DPF2: variants seen among roughly 807,000 people sequenced by gnomAD.
The protein encoded by DPF2 is zinc finger protein ubi-d4.
Under a neutral mutation model 59.6 loss-of-function variants are expected in DPF2, and 10 were observed. The ratio of observed to expected loss-of-function variants is 0.17; its 90% confidence interval spans 0.10 to 0.28. The LOEUF is 0.28. DPF2 is among the 10% of genes least tolerant of loss of function. The pLI is 1.00. For synonymous variants in DPF2, 189 were observed against 190.6 expected, an observed-to-expected ratio of 0.99 and a Z score of 0.07; for missense variants, 315 against 509.4, an observed-to-expected ratio of 0.62 and a Z score of 3.67.
At chr11:65,346,632 A>C in intron 9 of DPF2, 1 of 369,078 alleles carries the variant, frequency 2.7e-6, no homozygotes, top group Non-Finnish European at 4.9e-6. Context: ...AGGAACAACA[A>C]TAAGCAAGGA....
Position 65,343,732 on chromosome 11 carries a change from C to T in DPF2, c.466-13C>T. On this transcript the variant is annotated splice_polypyrimidine_tract_variant and intron_variant, in intron 4 of 10. Transcript: ENST00000528416. ...ACATATTTCTACCCATGCTAACCCTCCTGTCCACTCAGCGGATCCTAGAAC... is the reference window on the plus strand; with the variant it reads ...ACATATTTCTACCCATGCTAACCCTTCTGTCCACTCAGCGGATCCTAGAAC... The T allele has an allele frequency of 3.8e-6, 6 of 1,583,788 alleles. No homozygotes were observed. The highest frequency in any genetic ancestry group is 4.3e-6 in the Non-Finnish European group (5 of 1,165,160).
At chr11:65,338,735 CT>C in intron 1 of DPF2, among the ~76,000 whole-genome samples, 1 of 152,074 alleles carries the variant, frequency 6.6e-6, no homozygotes, top group Non-Finnish European at 1.5e-5. Flanking sequence ...TCGTATGTGT[CT>C]TTTTTACTTG....
chr11:65,336,451 C>T (rs150974833), intron 1 of DPF2, among the ~76,000 whole-genome samples: 2 of 152,094 alleles, frequency 1.3e-5, no homozygotes, highest in African/African-American at 4.8e-5. Flanking sequence ...GATATCACAC[C>T]ACTGCCCTCC....
rs945000211 is a variant in DPF2 at position 65,345,737 on chromosome 11, G to C, written c.709G>C (p.Glu237Gln). 2 of 1,614,034 alleles carry C rather than the reference G, an allele frequency of 1.2e-6. No individual in the cohort carries two copies. Among genetic ancestry groups the C allele is most frequent in the Non-Finnish European group, 8.5e-7 (1 of 1,180,028 alleles). ...HYAHSHLAEE[E>Q]GEDKEDSQPP... ...TGCCCACTCCCACTTGGCTGAGGAG[G>C]AGGGCGAGGACAAGGAAGACTCTCA... Residue 237 changes from glutamate (E) to glutamine (Q), a missense_variant, in exon 7 of 11, where the codon GAG becomes CAG. Glu to Gln is a conservative substitution (Grantham distance 29). This residue lies in a region of DPF2 where 58 missense variants were observed against 84.6 expected (regional missense o/e 0.69). Transcript: ENST00000528416.
At chr11:65,342,876 T>C (rs1054829699) in intron 4 of DPF2, among the ~76,000 whole-genome samples, 1 of 147,016 alleles carries the variant, frequency 6.8e-6, no homozygotes, top group Non-Finnish European at 1.5e-5. Flanking sequence ...TAGCCAGGCG[T>C]GGTGGTGGGC....
Position 65,354,059 on chromosome 11 carries a change from A to T in DPF2, c.*2300A>T, listed in dbSNP as rs904466975. On this transcript the variant is annotated 3_prime_UTR_variant, in exon 11 of 11. Coordinates refer to ENST00000528416, the MANE Select transcript of DPF2 (RefSeq NM_006268.5). The stretch of plus-strand genomic sequence containing the variant: ...GTCAGCCGGTAGGACGGGGGTGCGG[A>T]CGGAAGCCTGTGAGGAAGGCAGAGG... 5.9e-5 allele frequency among the ~76,000 whole-genome samples: 9 copies of T among 152,132 alleles called. No individual in the cohort carries two copies. The highest frequency in any genetic ancestry group is 2.2e-4 in the African/African-American group (9 of 41,430).
chr11:65,340,942 C>T (rs1007797566), intron 2 of DPF2, 24 bp from the exon 3 acceptor site: 3 of 1,611,138 alleles, frequency 1.9e-6, no homozygotes, highest in African/African-American at 1.3e-5. Flanking sequence ...TAGGGCCTGA[C>T]TTCTATCTTT....
intron 3 of DPF2, 50 bp downstream of exon 3, chr11:65,341,123 G>A (rs1418193201): frequency 6.3e-7 from 1 of 1,576,616 alleles, no homozygotes; most frequent in South Asian, 1.1e-5. Flanking sequence ...CATGGTGAGA[G>A]CCTGCTAATC....
intron 6 of DPF2, chr11:65,344,324 A>G (rs1010686938): frequency 2.3e-5 from 14 of 612,140 alleles, no homozygotes; most frequent in Non-Finnish European, 4.0e-5. Context: ...CACAGCAGGC[A>G]GGGTTGGCCT....
Position 65,341,539 on chromosome 11 carries a change from G to A in DPF2, c.442G>A (p.Val148Met). 1 of 1,614,146 alleles carries A rather than the reference G, an allele frequency of 6.2e-7. No individual in the cohort carries two copies. Among genetic ancestry groups the A allele is most frequent in the Non-Finnish European group, 8.5e-7 (1 of 1,180,016 alleles). ...VDDDSLGEFP[V>M]TNSRARKRIL... ...TGATGACAGCCTGGGCGAGTTTCCT[G>A]TGACCAACAGTCGAGCGCGAAAGGT... Residue 148 changes from valine to methionine, a missense_variant, in exon 4 of 11, where the codon GTG (valine) becomes ATG (methionine). Around this residue, in one of 4 missense-constraint regions of DPF2, gnomAD observed 228 missense variants for 275.3 expected, o/e 0.83. Transcript: ENST00000528416.
At chr11:65,337,882 G>A (rs186433749) in intron 1 of DPF2, among the ~76,000 whole-genome samples, 1,780 of 151,982 alleles carry the variant, frequency 0.012, 37 homozygotes, top group African/African-American at 0.04. Context: ...TCGGCTCACC[G>A]CAACCTCCGC....
At chr11:65,344,453 C>T (rs959909222) in intron 6 of DPF2, 3 of 859,050 alleles carry the variant, frequency 3.5e-6, no homozygotes, top group Non-Finnish European at 5.4e-6. Context: ...CCACTTCTGT[C>T]CCTCCACCCT....
rs780522954 is a variant in DPF2, at chr11:65,346,227, A to T, written c.905-20A>T. The stretch of plus-strand genomic sequence containing the variant: ...CCCCGCATTTCCGACTGTCTGTCTC[A>T]CTCACTTCCCCCACTACAGGGCATC... On this transcript the variant is annotated intron_variant, in intron 8 of 10. Coordinates refer to ENST00000528416, the MANE Select transcript of DPF2 (RefSeq NM_006268.5). The T allele has an allele frequency of 2.4e-5, 38 of 1,611,558 alleles. No homozygotes were observed. The Admixed American group carries it at 4.0e-4, about 17-fold the overall frequency.
At chr11:65,349,057 T>C in intron 10 of DPF2, 126 bp downstream of exon 10, 1 of 1,064,412 alleles carries the variant, frequency 9.4e-7, no homozygotes, top group South Asian at 1.5e-5. Flanking sequence ...CACCTTGCCT[T>C]GGCTCAGTTT....
intron 3 of DPF2, 121 bp from the exon 4 acceptor site, chr11:65,341,278 C>G (rs1854362946): frequency 7.0e-7 from 1 of 1,435,624 alleles, no homozygotes; most frequent in South Asian, 1.3e-5. Context: ...TGTCTTAATT[C>G]CTGGGCGTGC....
rs1173459586 is a variant in DPF2 at position 65,333,922 on chromosome 11, A to G, written c.32+4A>G. On this transcript the variant is annotated splice_donor_region_variant and intron_variant, in intron 1 of 10. Transcript: ENST00000528416. ...TGGTGGAGAATGTAGTGAAGCTGTG[A>G]GTGGTCGTTTCTTTCTCTCCTAGGG... 1.2e-6 allele frequency: 2 copies of G among 1,613,246 alleles called. No individual in the cohort carries two copies. The highest frequency in any genetic ancestry group is 8.5e-7 in the Non-Finnish European group (1 of 1,179,604).
chr11:65,352,420 T>G lies in DPF2; in HGVS notation c.*661T>G, dbSNP rs1202778627. ...TCCCATTGCTCTCCTGGCTCACTCT[T>G]ACGGTCGGTCTCCAGTGACTGAAGC... is the stretch of plus-strand genomic sequence containing the variant. On this transcript the variant is annotated 3_prime_UTR_variant, in exon 11 of 11. Coordinates refer to ENST00000528416, the MANE Select transcript of DPF2 (RefSeq NM_006268.5). The G allele has an allele frequency of 1.3e-5, 2 of 152,846 alleles. No homozygotes were observed. Among genetic ancestry groups the G allele is most frequent in the African/African-American group, 2.4e-5 (1 of 41,404 alleles). 9.5% of individuals were successfully genotyped at this position (152,846 alleles called of 1,614,324 possible). A position where few individuals can be genotyped will look rare whatever the true frequency, so the allele number is the denominator to read the frequency against.
intron 4 of DPF2, 63 bp downstream of exon 4, chr11:65,341,625 G>A (rs550036749): frequency 1.9e-4 from 306 of 1,597,808 alleles, no homozygotes; most frequent in Admixed American, 2.7e-4. Flanking sequence ...TTCACTGGGG[G>A]CCACCTAGTT....
intron 5 of DPF2, 75 bp downstream of exon 5, chr11:65,343,912 T>C: frequency 6.2e-7 from 1 of 1,604,116 alleles, no homozygotes; most frequent in Non-Finnish European, 8.5e-7. Flanking sequence ...TCAAGTGAGA[T>C]TAGCGGCCAC....
Sources: gnomAD v4.1 joint callset for allele counts (sites outside exome capture counted in the v4.1 genomes callset) on GRCh38, gnomAD v4.1.1 for gene constraint, gnomAD v4.1.1 regional missense constraint, MANE v1.5 for transcripts, NCBI Gene and HGNC (gene_info 2026-07-23, HGNC 2026-07-21) for gene names.